USP46: variants seen among roughly 807,000 people sequenced by gnomAD.
USP46 encodes the protein ubiquitin carboxyl-terminal hydrolase 46.
A neutral mutation model predicts 44.4 loss-of-function variants in USP46; 12 were observed. That is an observed-to-expected ratio of 0.27 (90% CI 0.17 to 0.44). USP46 has a LOEUF of 0.44. USP46 is among the 20% of genes least tolerant of loss of function. USP46 has a pLI of 1.00. For missense variants in USP46, 248 were observed against 444.8 expected (o/e 0.56, Z 3.98); for synonymous variants, 155 against 161.5 (o/e 0.96, Z 0.31).
chr4:52,592,835 T>TA lies in USP46; in HGVS notation c.*4804_*4805insT. 2.5e-6 allele frequency: 1 copy of TA among 397,396 alleles called. No individual in the cohort carries two copies. Among genetic ancestry groups the TA allele is most frequent in the South Asian group, 1.3e-4 (1 of 7,810 alleles). The allele number at this position is 397,396 out of a possible 1,614,324, so 24.6% of individuals were successfully genotyped here. A position where few individuals can be genotyped will look rare whatever the true frequency, so the allele number is the denominator to read the frequency against. On this transcript the variant is annotated 3_prime_UTR_variant, in exon 9 of 9. Transcript: ENST00000441222. Reference sequence around the variant, plus strand: ...GCCTGGGTGACAGTGAGACTCCATCTTAAAAAAAAAAAAGGAAAGAAAAGT... The same window carrying TA: ...GCCTGGGTGACAGTGAGACTCCATCTATAAAAAAAAAAAAGGAAAGAAAAGT...
At chr4:52,602,585 G>T (rs1716519619) in intron 6 of USP46, among the ~76,000 whole-genome samples, 1 of 152,164 alleles carries the variant, frequency 6.6e-6, no homozygotes. Flanking sequence ...GTGATCTTGG[G>T]CAAGTCACTT....
intron 3 of USP46, among the ~76,000 whole-genome samples, chr4:52,627,153 T>G (rs1441344590): frequency 6.6e-6 from 1 of 152,218 alleles, no homozygotes; most frequent in Admixed American, 6.5e-5. Context: ...TTAATCACGT[T>G]CACAACTCGA....
intron 5 of USP46, among the ~76,000 whole-genome samples, chr4:52,607,233 G>A (rs1372931651): frequency 1.3e-5 from 2 of 152,218 alleles, no homozygotes; most frequent in Admixed American, 6.5e-5. Flanking sequence ...CTTGCTGACA[G>A]AGTAATGCTC....
At chr4:52,645,823 T>C (rs529401327) in intron 1 of USP46, among the ~76,000 whole-genome samples, 6 of 152,138 alleles carry the variant, frequency 3.9e-5, no homozygotes, top group African/African-American at 1.4e-4. Flanking sequence ...GATTGGATCA[T>C]TGGGGCGGTC....
At chr4:52,658,247 G>A (rs1719029218) in intron 1 of USP46, 1 of 455,988 alleles carries the variant, frequency 2.2e-6, no homozygotes, top group Admixed American at 2.3e-5. Flanking sequence ...CGCCAGCAGG[G>A]TCCAGCCTGG....
chr4:52,613,224 G>A (rs1717000216), intron 4 of USP46, among the ~76,000 whole-genome samples: 2 of 152,110 alleles, frequency 1.3e-5, no homozygotes, highest in Admixed American at 6.6e-5. Context: ...TGGAAAGAAA[G>A]GAAAGAGGGT....
chr4:52,635,659 T>C (rs746523257), intron 1 of USP46, among the ~76,000 whole-genome samples: 1 of 152,184 alleles, frequency 6.6e-6, no homozygotes, highest in Non-Finnish European at 1.5e-5. Flanking sequence ...CAATCTCTCC[T>C]CCTCTATCAG....
At position 52,597,291 on chromosome 4, in the gene USP46, A is replaced by C. The variant is rs1273479965; in HGVS notation, c.*349T>G. 1 of 199,190 alleles carries C rather than the reference A, an allele frequency of 5.0e-6. No individual in the cohort carries two copies. Among genetic ancestry groups the C allele is most frequent in the Non-Finnish European group, 1.0e-5 (1 of 99,854 alleles). The allele number at this position is 199,190 out of a possible 1,614,324, so 12.3% of individuals were successfully genotyped here. On this transcript the variant is annotated 3_prime_UTR_variant, in exon 9 of 9. Coordinates refer to ENST00000441222, the MANE Select transcript of USP46 (RefSeq NM_022832.4). Reference sequence around the variant, plus strand: ...GTAAGAAGACCCTGGAAGCCATAGAAGTTTAGCAAACACCTAAAACAGACC... The same window carrying C: ...GTAAGAAGACCCTGGAAGCCATAGACGTTTAGCAAACACCTAAAACAGACC...
chr4:52,653,366 A>G (rs1296771828), intron 1 of USP46, among the ~76,000 whole-genome samples: 1 of 151,918 alleles, frequency 6.6e-6, no homozygotes, highest in African/African-American at 2.4e-5. Context: ...TTAGCCAGGC[A>G]TGGTAGCAGG....
intron 4 of USP46, among the ~76,000 whole-genome samples, chr4:52,616,994 T>C (rs1330375498): frequency 6.6e-6 from 1 of 152,262 alleles, no homozygotes; most frequent in Non-Finnish European, 1.5e-5. Context: ...GGGAAATTTA[T>C]AGCTTTATAT....
At chr4:52,636,735 T>C (rs1251454087) in intron 1 of USP46, among the ~76,000 whole-genome samples, 3 of 140,046 alleles carry the variant, frequency 2.1e-5, no homozygotes, top group African/African-American at 5.3e-5. Context: ...AAAAAGACAC[T>C]AAGTTAATGG....
At chr4:52,631,400 A>T (rs569083841) in intron 1 of USP46, among the ~76,000 whole-genome samples, 1 of 152,374 alleles carries the variant, frequency 6.6e-6, no homozygotes, top group African/African-American at 2.4e-5. Context: ...TTTAGAAAAG[A>T]AAGTTTGAGA....
chr4:52,603,683 T>C (rs2109597502), intron 6 of USP46, among the ~76,000 whole-genome samples: 1 of 152,188 alleles, frequency 6.6e-6, no homozygotes, highest in Admixed American at 6.6e-5. Flanking sequence ...TCACCTGTTC[T>C]TTTTCTTTTT....
intron 1 of USP46, among the ~76,000 whole-genome samples, chr4:52,653,307 AC>A (rs1718835985): frequency 6.6e-6 from 1 of 151,896 alleles, no homozygotes; most frequent in Non-Finnish European, 1.5e-5. Flanking sequence ...GGAGTTTGAG[AC>A]CAGCCTGGCC....
At chr4:52,647,231 T>C (rs1384081385) in intron 1 of USP46, among the ~76,000 whole-genome samples, 3 of 152,184 alleles carry the variant, frequency 2.0e-5, no homozygotes, top group Non-Finnish European at 4.4e-5. Context: ...GATCAGGGTA[T>C]ACTCTATGTA....
At chr4:52,630,993 A>G in intron 2 of USP46, 71 bp downstream of exon 2, 2 of 1,286,864 alleles carry the variant, frequency 1.6e-6, no homozygotes, top group East Asian at 2.5e-5. Flanking sequence ...AGTGATAAAA[A>G]TGCACTTAAA....
rs189411858 is a variant in USP46 at position 52,633,804 on chromosome 4, G to C, written c.37-2660C>G. On this transcript the variant is annotated intron_variant, in intron 1 of 8. Transcript: ENST00000441222. ...ACTCATACTAAGGATGGCAACCCAG[G>C]GGTCAGTGTTCAAGAGAAATATGCT... Among the ~76,000 whole-genome samples, 16 of 152,316 alleles carry C rather than the reference G, an allele frequency of 1.1e-4. No homozygotes were observed. The East Asian group carries it at 2.9e-3, about 28-fold the overall frequency.
At chr4:52,657,558 A>G (rs10014556) in intron 1 of USP46, among the ~76,000 whole-genome samples, 27,356 of 152,152 alleles carry the variant, frequency 0.18, 3,033 homozygotes, top group African/African-American at 0.33. Context: ...CAACAGACAT[A>G]AAAGAGTATT....
At chr4:52,654,541 C>T (rs550887915) in intron 1 of USP46, among the ~76,000 whole-genome samples, 2 of 152,174 alleles carry the variant, frequency 1.3e-5, no homozygotes, top group African/African-American at 4.8e-5. Flanking sequence ...TTATATGATA[C>T]ATTTTTATTT....
Sources: gnomAD v4.1 joint callset for allele counts (sites outside exome capture counted in the v4.1 genomes callset) on GRCh38, gnomAD v4.1.1 for gene constraint, MANE v1.5 for transcripts, NCBI Gene and HGNC (gene_info 2026-07-23, HGNC 2026-07-21) for gene names.